LRRC1: variants seen among roughly 807,000 people sequenced by gnomAD.
LRRC1 encodes the protein leucine-rich repeat-containing protein 1.
Under a neutral mutation model 69.9 loss-of-function variants are expected in LRRC1, and 28 were observed. The ratio of observed to expected loss-of-function variants is 0.40; its 90% CI spans 0.30 to 0.55. LRRC1 has a LOEUF of 0.55. Among genes scored for constraint, LRRC1 ranks in the 20% least tolerant of loss-of-function variants. The pLI is 0.47. For synonymous variants in LRRC1, 236 were observed against 240.2 expected (o/e 0.98, Z 0.16); for missense variants, 498 against 609.0 (o/e 0.82, Z 1.92).
At chr6:53,872,129 G>A (rs1010477339) in intron 2 of LRRC1, among the ~76,000 whole-genome samples, 4 of 152,092 alleles carry the variant, frequency 2.6e-5, no homozygotes, top group Non-Finnish European at 5.9e-5. Flanking sequence ...TTTATATATG[G>A]TGAGAGATAG....
chr6:53,808,502 T>G, intron 1 of LRRC1, among the ~76,000 whole-genome samples: 1 of 152,162 alleles, frequency 6.6e-6, no homozygotes, highest in East Asian at 1.9e-4. Flanking sequence ...CAGTCTGCTT[T>G]AAGCACTTCC....
At chr6:53,867,955 CAAAAA>C (rs573937295) in intron 2 of LRRC1, among the ~76,000 whole-genome samples, 1 of 108,002 alleles carries the variant, frequency 9.3e-6, no homozygotes, top group Non-Finnish European at 2.0e-5. Context: ...CCTGTCTTAC[CAAAAA>C]AAAAAAAAAA....
In LRRC1 at chr6:53,899,870, G is replaced by A; in HGVS notation, c.766G>A (p.Glu256Lys). ...TDLVISQNLLETIPDGIGKLK... is the reference protein window; with the variant it reads ...TDLVISQNLLKTIPDGIGKLK... ...TTTAGTCATTTCCCAGAACTTATTA[G>A]AAACGATTCCGGATGGCATTGGTAA... The change falls in exon 8 of 14, where the codon GAA (glutamate) becomes AAA (lysine). Residue 256 changes from glutamate (E) to lysine (K), a missense_variant. Physicochemically the swap from Glu to Lys is moderately conservative, Grantham distance 56. Around this residue, in one of 3 missense-constraint regions of LRRC1, gnomAD observed 266 missense variants for 383.9 expected, o/e 0.69. Transcript: ENST00000370888. The A allele has an allele frequency of 6.2e-7, 1 of 1,613,978 alleles. No individual in the cohort carries two copies. Among genetic ancestry groups the A allele is most frequent in the Non-Finnish European group, 8.5e-7 (1 of 1,179,964 alleles).
intron 1 of LRRC1, among the ~76,000 whole-genome samples, chr6:53,833,850 T>G (rs2127413382): frequency 6.6e-6 from 1 of 152,350 alleles, no homozygotes; most frequent in South Asian, 2.1e-4. Context: ...TCATATTTAT[T>G]GTCTATCACC....
intron 1 of LRRC1, among the ~76,000 whole-genome samples, chr6:53,824,729 C>A (rs963586714): frequency 1.3e-5 from 2 of 152,154 alleles, no homozygotes; most frequent in African/African-American, 2.4e-5. Flanking sequence ...GTGCTGTTAT[C>A]TAAGAACCTT....
At chr6:53,876,040 C>T (rs1480896061) in intron 2 of LRRC1, among the ~76,000 whole-genome samples, 2 of 152,250 alleles carry the variant, frequency 1.3e-5, no homozygotes, top group East Asian at 3.9e-4. Context: ...TCCATTTTCA[C>T]ACTGCTGGTA....
At position 53,922,889 on chromosome 6, in the gene LRRC1, AG is replaced by A. The variant is rs1486957963; in HGVS notation, c.*97del. On this transcript the variant is annotated 3_prime_UTR_variant, in exon 14 of 14. Transcript: ENST00000370888. ...GCCTCACGTGCTCCTTGTCCTAACC[AG>A]CCCCCGCGCGCCATCTTCCCGTGGA... 8.2e-7 allele frequency: 1 copy of A among 1,215,160 alleles called. No homozygotes were observed. The highest frequency in any genetic ancestry group is 2.4e-5 in the East Asian group (1 of 42,310). The allele number at this position is 1,215,160 out of a possible 1,614,324, so 75.3% of individuals were successfully genotyped here. A position where few individuals can be genotyped will look rare whatever the true frequency, so the allele number is the denominator to read the frequency against.
At chr6:53,828,428 C>T (rs549796761) in intron 1 of LRRC1, among the ~76,000 whole-genome samples, 44 of 152,322 alleles carry the variant, frequency 2.9e-4, no homozygotes, top group Non-Finnish European at 2.4e-4. Flanking sequence ...AGGCTTGTCT[C>T]CGTTTTCCAA....
At chr6:53,878,871 A>C in intron 2 of LRRC1, 122 bp from the exon 3 acceptor site, 1 of 606,372 alleles carries the variant, frequency 1.6e-6, no homozygotes, top group East Asian at 2.8e-5. Flanking sequence ...TTATAAGTCT[A>C]GGTCATGTTT....
intron 2 of LRRC1, among the ~76,000 whole-genome samples, chr6:53,855,972 T>C (rs1188043518): frequency 6.6e-6 from 1 of 152,232 alleles, no homozygotes; most frequent in East Asian, 1.9e-4. Flanking sequence ...TCTGAGCAGA[T>C]GCTTTGGTCT....
At chr6:53,862,102 C>G (rs1766545144) in intron 2 of LRRC1, among the ~76,000 whole-genome samples, 1 of 152,172 alleles carries the variant, frequency 6.6e-6, no homozygotes, top group African/African-American at 2.4e-5. Context: ...CATTGGAAGA[C>G]TCCATTTCTC....
Position 53,897,300 on chromosome 6 carries a change from G to A in LRRC1, c.583G>A (p.Ala195Thr), listed in dbSNP as rs762552626. The change falls in exon 7 of 14, where the codon GCC becomes ACC. Residue 195 changes from alanine to threonine, a missense_variant. This residue lies in a region of LRRC1 where 266 missense variants were observed against 383.9 expected (regional missense o/e 0.69). Transcript: ENST00000370888. The part of the protein sequence containing the change: ...EIYNLPESIG[A>T]LLHLKDLWLD... Reference sequence around the variant, plus strand: ...TTTGTTTTAGCCAGAATCAATTGGAGCCCTCTTACATCTAAAAGATCTCTG... The same window carrying A: ...TTTGTTTTAGCCAGAATCAATTGGAACCCTCTTACATCTAAAAGATCTCTG... 1.2e-6 allele frequency: 2 copies of A among 1,610,892 alleles called. No homozygotes were observed. Among genetic ancestry groups the A allele is most frequent in the Non-Finnish European group, 1.7e-6 (2 of 1,177,868 alleles).
At chr6:53,914,328 C>G (rs150293523) in intron 11 of LRRC1, among the ~76,000 whole-genome samples, 129 of 152,242 alleles carry the variant, frequency 8.5e-4, no homozygotes, top group Admixed American at 2.2e-3. Flanking sequence ...TCATGGGCTT[C>G]AGAGTTTCCT....
intron 1 of LRRC1, among the ~76,000 whole-genome samples, chr6:53,802,640 G>A (rs1010165757): frequency 6.6e-6 from 1 of 152,162 alleles, no homozygotes; most frequent in Non-Finnish European, 1.5e-5. Context: ...TTGTTTAGAT[G>A]AATGTGATCA....
intron 1 of LRRC1, among the ~76,000 whole-genome samples, chr6:53,799,322 C>T (rs1469623762): frequency 6.6e-6 from 1 of 152,216 alleles, no homozygotes; most frequent in East Asian, 1.9e-4. Flanking sequence ...TGTCTCTCTC[C>T]CTAACTAAAA....
At chr6:53,920,940 T>C (rs547901631) in intron 13 of LRRC1, among the ~76,000 whole-genome samples, 179 bp downstream of exon 13, 39 of 152,050 alleles carry the variant, frequency 2.6e-4, no homozygotes, top group African/African-American at 8.4e-4. Context: ...AAAAGGTAAA[T>C]GAGGCAAATG....
rs145095394 is a variant in LRRC1, at chr6:53,799,362, C to T, written c.159+3947C>T. Among the ~76,000 whole-genome samples the T allele has an allele frequency of 1.4e-4, 22 of 152,326 alleles. No individual in the cohort carries two copies. The Middle Eastern group carries it at 0.01, about 71-fold the overall frequency. On this transcript the variant is annotated intron_variant, in intron 1 of 13. Coordinates refer to ENST00000370888, the MANE Select transcript of LRRC1 (RefSeq NM_018214.5). ...ACCTCCATGAGTGCAGAGGTCTTCA[C>T]GGCTGGACCTAGGACAGTATTTAGT...
At chr6:53,916,668 A>G (rs1199678186) in intron 11 of LRRC1, among the ~76,000 whole-genome samples, 1 of 152,190 alleles carries the variant, frequency 6.6e-6, no homozygotes, top group Non-Finnish European at 1.5e-5. Flanking sequence ...CCCAATTTAT[A>G]TATATTTTTA....
At chr6:53,815,286 T>C (rs1764919359) in intron 1 of LRRC1, among the ~76,000 whole-genome samples, 2 of 152,056 alleles carry the variant, frequency 1.3e-5, no homozygotes, top group South Asian at 4.2e-4. Context: ...ATCTCTAGCC[T>C]CTAATGGTTA....
Sources: allele counts gnomAD v4.1 joint callset (sites outside exome capture counted in the v4.1 genomes callset), GRCh38; gene constraint gnomAD v4.1.1; regional missense constraint gnomAD v4.1.1; transcripts MANE v1.5; gene names NCBI Gene and HGNC (gene_info 2026-07-23, HGNC 2026-07-21).